CSMD1: variants seen among roughly 807,000 people sequenced by gnomAD.
CSMD1 encodes CUB and sushi domain-containing protein 1.
In CSMD1, 213 loss-of-function variants were observed where a neutral mutation model predicts 417.5. The observed-to-expected ratio is 0.51, with a 90% CI of 0.46 to 0.57. CSMD1 has a LOEUF of 0.57. Among genes scored for constraint, CSMD1 ranks in the 20% least tolerant of loss-of-function variants. The pLI, the probability that CSMD1 is intolerant of heterozygous loss-of-function variation, is 0.00. For synonymous variants in CSMD1, 2,862 were observed against 1,736.8 expected, an observed-to-expected ratio of 1.65 and a Z score of -16.11; for missense variants, 6,923 against 4,529.7, an observed-to-expected ratio of 1.53 and a Z score of -15.17.
In CSMD1 at chr8:3,299,588, C is replaced by T. The variant is rs565883374; in HGVS notation, c.3950+8107G>A. ...CAGATAAAAGCACGCCACCATACAG[C>T]GGACATAGGTGTAATTCTGCCTCAC... On this transcript the variant is annotated intron_variant, in intron 25 of 69. Transcript: ENST00000635120. Among the ~76,000 whole-genome samples, 60 of 150,610 alleles carry T rather than the reference C, an allele frequency of 4.0e-4. No individual in the cohort carries two copies. In the Middle Eastern group the frequency reaches 0.01, roughly 26 times the overall value.
chr8:3,760,578 ATT>A (rs1797937939), intron 5 of CSMD1, among the ~76,000 whole-genome samples: 1 of 152,204 alleles, frequency 6.6e-6, no homozygotes, highest in African/African-American at 2.4e-5. Flanking sequence ...TTGTTCTAAC[ATT>A]TTACAGCACT....
chr8:4,195,029 C>T (rs1404706168), intron 3 of CSMD1, among the ~76,000 whole-genome samples: 1 of 152,136 alleles, frequency 6.6e-6, no homozygotes, highest in East Asian at 1.9e-4. Flanking sequence ...ACTTTTTTCA[C>T]TATCTACAAT....
intron 7 of CSMD1, among the ~76,000 whole-genome samples, chr8:3,701,174 G>A (rs1800844170): frequency 6.6e-6 from 1 of 152,058 alleles, no homozygotes; most frequent in Non-Finnish European, 1.5e-5. Flanking sequence ...TCCCAAGTAA[G>A]CCCGTGGATA....
At chr8:4,102,828 C>A (rs1801374762) in intron 3 of CSMD1, among the ~76,000 whole-genome samples, 1 of 152,090 alleles carries the variant, frequency 6.6e-6, no homozygotes, top group African/African-American at 2.4e-5. Context: ...GCATTCATAT[C>A]CTGCTTGATA....
At chr8:4,484,814 C>G (rs61291376) in intron 2 of CSMD1, among the ~76,000 whole-genome samples, 2,578 of 149,820 alleles carry the variant, frequency 0.017, 53 homozygotes, top group African/African-American at 0.06. Context: ...CTAAAAAATA[C>G]AAAAAAAAAT....
At chr8:4,623,576 G>T (rs79200399) in intron 2 of CSMD1, among the ~76,000 whole-genome samples, 3,372 of 151,890 alleles carry the variant, frequency 0.022, 130 homozygotes, top group African/African-American at 0.078. Context: ...GGGGGGTGAG[G>T]GGGGAACAAA....
intron 5 of CSMD1, among the ~76,000 whole-genome samples, chr8:3,902,465 T>G (rs941729875): frequency 3.9e-5 from 6 of 152,108 alleles, no homozygotes; most frequent in Non-Finnish European, 8.8e-5. Flanking sequence ...TTTTTTTCCA[T>G]GGACTCAAGT....
intron 18 of CSMD1, among the ~76,000 whole-genome samples, chr8:3,376,348 T>C (rs1220846384): frequency 6.6e-6 from 1 of 152,072 alleles, no homozygotes; most frequent in African/African-American, 2.4e-5. Flanking sequence ...TGAAAACATA[T>C]TTGAATTGGG....
intron 26 of CSMD1, among the ~76,000 whole-genome samples, chr8:3,230,566 T>A (rs1798776080): frequency 6.6e-6 from 1 of 152,148 alleles, no homozygotes. Context: ...AATATTTTAA[T>A]GAAACCCCAT....
In CSMD1 at chr8:3,142,600, G is replaced by A; in HGVS notation, c.6106C>T (p.His2036Tyr). 6.2e-7 allele frequency: 1 copy of A among 1,613,922 alleles called. No homozygotes were observed. Among genetic ancestry groups the A allele is most frequent in the Non-Finnish European group, 8.5e-7 (1 of 1,179,852 alleles). The change falls in exon 41 of 70, where the codon CAC becomes TAC. Residue 2036 changes from histidine (H) to tyrosine (Y), a missense_variant. Physicochemically the swap from His to Tyr is moderately conservative, Grantham distance 83. Coordinates refer to ENST00000635120, the MANE Select transcript of CSMD1 (RefSeq NM_033225.6). ...DFLEIQNGPY[H>Y]TSPMIGQFSG... ...AATTGTCCAATCATGGGGCTGGTGT[G>A]GTAAGGTCCATTTTGAATTTCAAGG... is the stretch of plus-strand genomic sequence containing the variant.
chr8:3,216,929 C>G (rs1006520955), intron 29 of CSMD1, among the ~76,000 whole-genome samples: 1 of 152,212 alleles, frequency 6.6e-6, no homozygotes, highest in South Asian at 2.1e-4. Context: ...AATACAATGA[C>G]ATCACTGCAC....
chr8:4,930,166 T>C (rs1180503500), intron 1 of CSMD1, among the ~76,000 whole-genome samples: 3 of 152,158 alleles, frequency 2.0e-5, no homozygotes, highest in Non-Finnish European at 4.4e-5. Context: ...TCATATCACA[T>C]AAAACGTAGG....
intron 50 of CSMD1, among the ~76,000 whole-genome samples, chr8:3,037,935 C>G (rs1046283566): frequency 6.6e-6 from 1 of 152,150 alleles, no homozygotes; most frequent in Non-Finnish European, 1.5e-5. Flanking sequence ...TTTCGAATCA[C>G]CAGACTTTTC....
intron 1 of CSMD1, among the ~76,000 whole-genome samples, chr8:4,855,481 A>G (rs1801743295): frequency 6.6e-6 from 1 of 152,172 alleles, no homozygotes; most frequent in Non-Finnish European, 1.5e-5. Context: ...ACGGGAGGAC[A>G]TTCAAACGAA....
intron 3 of CSMD1, among the ~76,000 whole-genome samples, chr8:4,178,494 G>A (rs1291943034): frequency 1.2e-4 from 18 of 151,066 alleles, no homozygotes; most frequent in Admixed American, 9.9e-4. Flanking sequence ...GGCAAAAACT[G>A]GAAGCATTCC....
intron 26 of CSMD1, among the ~76,000 whole-genome samples, chr8:3,282,301 G>A (rs868032734): frequency 6.6e-6 from 1 of 152,108 alleles, no homozygotes; most frequent in Non-Finnish European, 1.5e-5. Flanking sequence ...GCTGTGTGCT[G>A]TGGACAGAGA....
chr8:3,034,158 T>C (rs1205297113), intron 50 of CSMD1, among the ~76,000 whole-genome samples: 2 of 152,224 alleles, frequency 1.3e-5, no homozygotes, highest in Admixed American at 1.3e-4. Flanking sequence ...CTCTGCTAAA[T>C]TTCATGTGTC....
chr8:4,031,534 T>C (rs964233194), intron 4 of CSMD1, among the ~76,000 whole-genome samples: 2 of 152,188 alleles, frequency 1.3e-5, no homozygotes, highest in Non-Finnish European at 2.9e-5. Flanking sequence ...GTGGGAATTG[T>C]GGGAACTACC....
chr8:4,521,963 C>G (rs778534462), intron 2 of CSMD1, among the ~76,000 whole-genome samples: 1 of 152,154 alleles, frequency 6.6e-6, no homozygotes, highest in Non-Finnish European at 1.5e-5. Flanking sequence ...CCCAGATAGC[C>G]TGCCTTTTTG....
Sources: allele counts gnomAD v4.1 joint callset (sites outside exome capture counted in the v4.1 genomes callset), GRCh38; gene constraint gnomAD v4.1.1; transcripts MANE v1.5; gene names NCBI Gene and HGNC (gene_info 2026-07-23, HGNC 2026-07-21).